ALG2: variants seen among roughly 807,000 people sequenced by gnomAD.
ALG2 encodes the protein ALG2 alpha-1,3/1,6-mannosyltransferase.
A neutral mutation model predicts 30.5 loss-of-function variants in ALG2; 32 were observed. The observed-to-expected ratio is 1.05, with a 90% CI of 0.79 to 1.41. ALG2 has a LOEUF of 1.41. ALG2 is among the 40% of genes most tolerant of loss of function. The probability of loss-of-function intolerance (pLI) is 0.00; values close to 1 mark genes in which losing one functional copy is unlikely to be tolerated. For synonymous variants in ALG2, 253 were observed against 224.8 expected, an observed-to-expected ratio of 1.13 and a Z score of -1.12; for missense variants, 574 against 526.4, an observed-to-expected ratio of 1.09 and a Z score of -0.88.
chr9:99,221,117 G>A, intron 1 of ALG2: 1 of 1,361,470 alleles, frequency 7.3e-7, no homozygotes, highest in South Asian at 1.1e-5. Context: ...CCGAACACAA[G>A]GACAGTGGGA....
In ALG2 at chr9:99,217,193, T is replaced by G. The variant is rs1450496181; in HGVS notation, c.*741A>C. On this transcript the variant is annotated 3_prime_UTR_variant, in exon 2 of 2. Coordinates refer to ENST00000476832, the MANE Select transcript of ALG2 (RefSeq NM_033087.4). Reference sequence around the variant, plus strand: ...ATATTAACAAAACTAATGACCTAGATGACATTAAGAAATATACCCTAAACA... The same window carrying G: ...ATATTAACAAAACTAATGACCTAGAGGACATTAAGAAATATACCCTAAACA... The G allele has an allele frequency of 2.2e-6, 1 of 454,086 alleles. No individual in the cohort carries two copies. Among genetic ancestry groups the G allele is most frequent in the East Asian group, 6.9e-5 (1 of 14,400 alleles). The allele number at this position is 454,086 out of a possible 1,614,324, so 28.1% of individuals were successfully genotyped here. A position where few individuals can be genotyped will look rare whatever the true frequency, so the allele number is the denominator to read the frequency against.
chr9:99,221,419 G>A (rs1029544399), intron 1 of ALG2, 128 bp downstream of exon 1: 3 of 1,133,448 alleles, frequency 2.6e-6, no homozygotes, highest in East Asian at 5.2e-5. Flanking sequence ...TCACAACCCT[G>A]ACTTCTCCAT....
Position 99,221,926 on chromosome 9 carries a change from T to G in ALG2, c.-32A>C. 6.4e-7 allele frequency: 1 copy of G among 1,552,802 alleles called. No individual in the cohort carries two copies. ...GGAGCCGCAACTGCACCCCGCACCC[T>G]GATGGGGGTCTTCTGCGCAAGCTCC... On this transcript the variant is annotated 5_prime_UTR_variant, in exon 1 of 2. Transcript: ENST00000476832.
intron 1 of ALG2, among the ~76,000 whole-genome samples, chr9:99,220,309 T>A (rs1039001903): frequency 6.6e-6 from 1 of 152,258 alleles, no homozygotes; most frequent in Admixed American, 6.5e-5. Context: ...TGTTTAATTA[T>A]GACACACTTA....
intron 1 of ALG2, among the ~76,000 whole-genome samples, chr9:99,219,650 T>C (rs538574434): frequency 8.5e-5 from 13 of 152,388 alleles, no homozygotes; most frequent in Admixed American, 2.0e-4. Flanking sequence ...AACTACATGC[T>C]GGCATTACTA....
intron 1 of ALG2, among the ~76,000 whole-genome samples, chr9:99,220,222 G>A (rs1404016403): frequency 2.0e-5 from 3 of 152,124 alleles, no homozygotes; most frequent in Admixed American, 2.0e-4. Flanking sequence ...TTAAAAAAAA[G>A]AAGTAAAAGG....
At chr9:99,221,420 A>G in intron 1 of ALG2, 127 bp downstream of exon 1, 1 of 1,136,518 alleles carries the variant, frequency 8.8e-7, no homozygotes. Context: ...CACAACCCTG[A>G]CTTCTCCATG....
rs1199479232 is a variant in ALG2, at chr9:99,221,872, TC to T, written c.22del (p.Glu8AsnfsTer40). 1 of 1,590,278 alleles carries T rather than the reference TC, an allele frequency of 6.3e-7. No homozygotes were observed. Among genetic ancestry groups the T allele is most frequent in the Non-Finnish European group, 8.5e-7 (1 of 1,175,678 alleles). Reference protein sequence around the residue: MAEEQGRERDSVPKPSVL... With the variant: MAEEQGRXRDSVPKPSVL... ...CGACGGCTTGGGAACCGAGTCCCGT[TC>T]CCGGCCCTGCTCCTCCGCCATGGCC... is the stretch of plus-strand genomic sequence containing the variant. On this transcript the variant is annotated frameshift_variant, in exon 1 of 2. Coordinates refer to ENST00000476832, the MANE Select transcript of ALG2 (RefSeq NM_033087.4). LOFTEE classifies it high-confidence loss of function.
rs1227944879 is a variant in ALG2 at position 99,218,509 on chromosome 9, A to AT, written c.675dup (p.Phe226IlefsTer46). The AT allele has an allele frequency of 1.2e-5, 20 of 1,614,154 alleles. No homozygotes were observed. Among genetic ancestry groups the AT allele is most frequent in the Non-Finnish European group, 1.6e-5 (19 of 1,180,018 alleles). ...TATCTGTTGATGGAGAGCAGCAGGA[A>AT]TTTTTTCCCCTTGGGGACTAGGTCA... On this transcript the variant is annotated frameshift_variant, in exon 2 of 2. Transcript: ENST00000476832. LOFTEE classifies it high-confidence loss of function.
chr9:99,218,456 T>A lies in ALG2; in HGVS notation c.729A>T (p.Ala243=), dbSNP rs748947069. The part of the protein sequence containing the change: ...RYERKKNLTL[A]LEALVQLRGR... The stretch of plus-strand genomic sequence containing the variant: ...CACGCAGCTGTACTAGGGCTTCCAG[T>A]GCCAAAGTCAGATTTTTCTTCCTTT... The change falls in exon 2 of 2, where the codon GCA becomes GCT. Residue 243 remains alanine (A), a synonymous_variant. Coordinates refer to ENST00000476832, the MANE Select transcript of ALG2 (RefSeq NM_033087.4). The A allele has an allele frequency of 8.0e-5, 129 of 1,614,226 alleles. No individual in the cohort carries two copies. Among genetic ancestry groups the A allele is most frequent in the Non-Finnish European group, 1.1e-4 (125 of 1,180,036 alleles).
chr9:99,221,594 C>G lies in ALG2; in HGVS notation c.301G>C (p.Val101Leu). Residue 101 changes from valine (V) to leucine (L), a missense_variant, in exon 1 of 2, where the codon GTG becomes CTG. Coordinates refer to ENST00000476832, the MANE Select transcript of ALG2 (RefSeq NM_033087.4). The stretch of plus-strand genomic sequence containing the variant: ...AACTCCTCGTCGGCGAGGAACAGCA[C>G]GTAGAGCGCCAGGAAAACCATGCGC... The part of the protein sequence containing the change: ...YVRMVFLALY[V>L]LFLADEEFDV... 1 of 1,543,992 alleles carries G rather than the reference C, an allele frequency of 6.5e-7. No individual in the cohort carries two copies. Among genetic ancestry groups the G allele is most frequent in the Non-Finnish European group, 8.7e-7 (1 of 1,145,856 alleles).
chr9:99,219,841 T>A (rs1362083638), intron 1 of ALG2, among the ~76,000 whole-genome samples: 2 of 152,208 alleles, frequency 1.3e-5, no homozygotes, highest in East Asian at 1.9e-4. Context: ...CTACCCACTA[T>A]AGTCTCAGCT....
At position 99,221,621 on chromosome 9, in the gene ALG2, C is replaced by A; in HGVS notation, c.274G>T (p.Val92Leu). 1.3e-6 allele frequency: 2 copies of A among 1,542,152 alleles called. No homozygotes were observed. Among genetic ancestry groups the A allele is most frequent in the African/African-American group, 2.7e-5 (2 of 73,018 alleles). ...TAGAGCGCCAGGAAAACCATGCGCA[C>A]GTAGGCGCAGACGGCGGCGCCGCGG... Reference protein sequence around the residue: ...GGRGAAVCAYVRMVFLALYVL... With the variant: ...GGRGAAVCAYLRMVFLALYVL... Residue 92 changes from valine to leucine, a missense_variant, in exon 1 of 2, where the codon GTG becomes TTG. Physicochemically the swap from Val to Leu is conservative, Grantham distance 32. Coordinates refer to ENST00000476832, the MANE Select transcript of ALG2 (RefSeq NM_033087.4).
At chr9:99,221,053 A>G in intron 1 of ALG2, 1 of 1,354,736 alleles carries the variant, frequency 7.4e-7, no homozygotes, top group South Asian at 1.1e-5. Context: ...GGCATGATAT[A>G]TTCAGCTTGG....
In ALG2 at chr9:99,218,947, T is replaced by C. The variant is rs41274646; in HGVS notation, c.349-111A>G. 78,559 of 1,135,068 alleles carry C rather than the reference T, an allele frequency of 0.069. 3,158 individuals carry two copies. Among genetic ancestry groups the C allele is most frequent in the Non-Finnish European group, 0.08 (61,633 of 774,714 alleles). The allele number at this position is 1,135,068 out of a possible 1,614,324, so 70.3% of individuals were successfully genotyped here. A position where few individuals can be genotyped will look rare whatever the true frequency, so the allele number is the denominator to read the frequency against. On this transcript the variant is annotated intron_variant, in intron 1 of 1. Transcript: ENST00000476832. ...TAGTCTGTGGGCTCCTCATGGGCAATGTCTGATTCTGTTTTATTCCCCAAG... is the reference window on the plus strand; with the variant it reads ...TAGTCTGTGGGCTCCTCATGGGCAACGTCTGATTCTGTTTTATTCCCCAAG...
chr9:99,221,273 C>T, intron 1 of ALG2: 2 of 1,037,354 alleles, frequency 1.9e-6, no homozygotes, highest in East Asian at 2.7e-5. Flanking sequence ...CTCGGAATCA[C>T]CCTATGACCC....
Position 99,218,628 on chromosome 9 carries a change from T to G in ALG2, c.557A>C (p.Glu186Ala). 1 of 1,614,192 alleles carries G rather than the reference T, an allele frequency of 6.2e-7. No individual in the cohort carries two copies. Among genetic ancestry groups the G allele is most frequent in the South Asian group, 1.1e-5 (1 of 91,086 alleles). ...NSQFTAAVFKETFKSLSHIDP... is the reference protein window; with the variant it reads ...NSQFTAAVFKATFKSLSHIDP... The stretch of plus-strand genomic sequence containing the variant: ...TATGTGAGACAGGGACTTGAATGTT[T>G]CCTTAAAAACAGCAGCTGTGAACTG... The change falls in exon 2 of 2, where the codon GAA becomes GCA. Residue 186 changes from glutamate (E) to alanine (A), a missense_variant. Glu to Ala is a moderately radical substitution (Grantham distance 107, BLOSUM62 -1). Transcript: ENST00000476832.
In ALG2 at chr9:99,217,194, G is replaced by A. The variant is rs1049985785; in HGVS notation, c.*740C>T. The A allele has an allele frequency of 2.2e-6, 1 of 454,054 alleles. No homozygotes were observed. Among genetic ancestry groups the A allele is most frequent in the Non-Finnish European group, 4.4e-6 (1 of 226,756 alleles). The allele number at this position is 454,054 out of a possible 1,614,324, so 28.1% of individuals were successfully genotyped here. On this transcript the variant is annotated 3_prime_UTR_variant, in exon 2 of 2. Coordinates refer to ENST00000476832, the MANE Select transcript of ALG2 (RefSeq NM_033087.4). ...TATTAACAAAACTAATGACCTAGAT[G>A]ACATTAAGAAATATACCCTAAACAA... is the stretch of plus-strand genomic sequence containing the variant.
chr9:99,217,982 T>C lies in ALG2; in HGVS notation c.1203A>G (p.Glu401=), dbSNP rs2118997443. ...ATCGGTAGAGCTGTTCTGTAAATGC[T>C]TCAGGGGAAAATTTTTCCTTCACTC... ...RARVKEKFSP[E]AFTEQLYRYV... is the part of the protein sequence containing the mutation. The change falls in exon 2 of 2, where the codon GAA becomes GAG. Residue 401 remains glutamate (E), a synonymous_variant. Coordinates refer to ENST00000476832, the MANE Select transcript of ALG2 (RefSeq NM_033087.4). The C allele has an allele frequency of 6.2e-7, 1 of 1,614,254 alleles. No homozygotes were observed. The highest frequency in any genetic ancestry group is 1.1e-5 in the South Asian group (1 of 91,084).
Sources: gnomAD v4.1 joint callset for allele counts (sites outside exome capture counted in the v4.1 genomes callset) on GRCh38, gnomAD v4.1.1 for gene constraint, MANE v1.5 for transcripts, NCBI Gene and HGNC (gene_info 2026-07-23, HGNC 2026-07-21) for gene names.